Variants in FBXW11 observed in about 807,000 individuals in gnomAD.
The protein encoded by FBXW11 is F-box/WD repeat-containing protein 11.
In FBXW11, 19 loss-of-function variants were observed where a neutral mutation model predicts 77.6. The ratio of observed to expected loss-of-function variants is 0.24; its 90% CI spans 0.17 to 0.36. The LOEUF (loss-of-function observed/expected upper bound fraction) is 0.36, where lower values mean the gene tolerates loss of function less well. Ranked by LOEUF, FBXW11 falls within the 10% of genes least tolerant of loss-of-function variation. FBXW11 has a pLI of 1.00. For synonymous variants in FBXW11, 235 were observed against 249.4 expected, an observed-to-expected ratio of 0.94 and a Z score of 0.54; for missense variants, 334 against 704.2, an observed-to-expected ratio of 0.47 and a Z score of 5.95.
intron 1 of FBXW11, among the ~76,000 whole-genome samples, chr5:171,967,729 CTCAGGAGGTTGAG>C (rs1287917468): frequency 6.6e-6 from 1 of 151,626 alleles, no homozygotes; most frequent in Non-Finnish European, 1.5e-5. Context: ...GTCCCAGCTA[CTCAGGAGGTTGAG>C]GCAGGAGAAT....
intron 2 of FBXW11, among the ~76,000 whole-genome samples, chr5:171,946,691 A>G (rs531507256): frequency 2.0e-4 from 30 of 151,730 alleles, no homozygotes; most frequent in Non-Finnish European, 3.4e-4. Context: ...CTTTGCTCAA[A>G]TGGCTTTCCC....
At chr5:171,966,773 A>C (rs746323510) in intron 1 of FBXW11, among the ~76,000 whole-genome samples, 1 of 152,212 alleles carries the variant, frequency 6.6e-6, no homozygotes, top group Non-Finnish European at 1.5e-5. Context: ...TCTCAACCCT[A>C]AGTTTAATCT....
At chr5:171,936,019 G>A (rs773405364) in intron 2 of FBXW11, among the ~76,000 whole-genome samples, 21 of 150,336 alleles carry the variant, frequency 1.4e-4, no homozygotes, top group Non-Finnish European at 2.8e-4. Flanking sequence ...GCTGAGATAG[G>A]AGAACTGCTT....
chr5:172,005,113 TTTA>T (rs923846595), intron 1 of FBXW11, among the ~76,000 whole-genome samples: 4 of 152,146 alleles, frequency 2.6e-5, no homozygotes, highest in Non-Finnish European at 4.4e-5. Context: ...AGTGTCACCA[TTTA>T]TTATTTATAG....
chr5:171,970,185 C>T (rs1000409428), intron 1 of FBXW11, among the ~76,000 whole-genome samples: 25 of 152,196 alleles, frequency 1.6e-4, no homozygotes, highest in African/African-American at 6.0e-4. Flanking sequence ...CCACCCAAAT[C>T]TCATCTCCCA....
At chr5:171,899,505 CAG>C (rs935619632) in intron 5 of FBXW11, among the ~76,000 whole-genome samples, 3 of 152,180 alleles carry the variant, frequency 2.0e-5, no homozygotes, top group Non-Finnish European at 2.9e-5. Context: ...AAAGCTGCAT[CAG>C]AGTTATGAGT....
chr5:171,889,637 G>C (rs1759175211), intron 7 of FBXW11, among the ~76,000 whole-genome samples: 1 of 151,270 alleles, frequency 6.6e-6, no homozygotes, highest in South Asian at 2.1e-4. Flanking sequence ...CTGTAATCGG[G>C]GCACTTTGGG....
chr5:171,915,099 T>C (rs1761141403), intron 2 of FBXW11, among the ~76,000 whole-genome samples: 1 of 152,204 alleles, frequency 6.6e-6, no homozygotes, highest in South Asian at 2.1e-4. Context: ...TATACATGAT[T>C]GGATTTTCCC....
chr5:171,864,374 T>A (rs56970206), intron 13 of FBXW11, among the ~76,000 whole-genome samples: 3,257 of 152,036 alleles, frequency 0.021, 117 homozygotes, highest in African/African-American at 0.074. Flanking sequence ...GTTCAAAGAG[T>A]CAACAAGTGA....
At chr5:171,909,724 T>C (rs1760764568) in intron 4 of FBXW11, among the ~76,000 whole-genome samples, 1 of 152,164 alleles carries the variant, frequency 6.6e-6, no homozygotes, top group Non-Finnish European at 1.5e-5. Flanking sequence ...CGCGCGTGCA[T>C]GTACACACCT....
At chr5:171,880,533 A>G (rs948118345) in intron 7 of FBXW11, among the ~76,000 whole-genome samples, 11 of 152,236 alleles carry the variant, frequency 7.2e-5, no homozygotes, top group African/African-American at 2.7e-4. Flanking sequence ...AATGACTGAC[A>G]TCCTCACAAT....
rs1764852514 is a variant in FBXW11, at chr5:171,976,853, C to A, written c.46-19155G>T. 1.3e-5 allele frequency among the ~76,000 whole-genome samples: 2 copies of A among 151,956 alleles called. 1 individual carries two copies. Among genetic ancestry groups the A allele is most frequent in the South Asian group, 4.1e-4 (2 of 4,824 alleles). On this transcript the variant is annotated intron_variant, in intron 1 of 13. Coordinates refer to ENST00000517395, the MANE Select transcript of FBXW11 (RefSeq NM_001378974.1). ...CCTGAGGTCAGGAATTTGAGACTAG[C>A]CTGACCAACACAGTGAAATCCCATC... is the stretch of plus-strand genomic sequence containing the variant.
At chr5:171,947,718 C>A (rs1561711637) in intron 2 of FBXW11, among the ~76,000 whole-genome samples, 6 of 152,104 alleles carry the variant, frequency 3.9e-5, no homozygotes, top group Admixed American at 2.6e-4. Flanking sequence ...TAAAAATGTA[C>A]CAGCCTGGGG....
At position 172,006,447 on chromosome 5, in the gene FBXW11, G is replaced by A. The variant is rs369496985; in HGVS notation, c.45+11C>T. 37 of 1,552,284 alleles carry A rather than the reference G, an allele frequency of 2.4e-5. No individual in the cohort carries two copies. Among genetic ancestry groups the A allele is most frequent in the Non-Finnish European group, 2.9e-5 (33 of 1,150,696 alleles). On this transcript the variant is annotated intron_variant, in intron 1 of 13. Coordinates refer to ENST00000517395, the MANE Select transcript of FBXW11 (RefSeq NM_001378974.1). ...GACGGAAGCACAGACGGTCCAGCGG[G>A]CCGCACTCACCATGAGCTCGATGGT...
intron 2 of FBXW11, among the ~76,000 whole-genome samples, chr5:171,944,536 C>G (rs1338623954): frequency 7.8e-6 from 1 of 128,604 alleles, no homozygotes; most frequent in African/African-American, 2.8e-5. Context: ...GAGATCGCGC[C>G]ACTGCACTCC....
At chr5:171,907,326 G>A (rs1760591370) in intron 4 of FBXW11, among the ~76,000 whole-genome samples, 1 of 152,094 alleles carries the variant, frequency 6.6e-6, no homozygotes, top group African/African-American at 2.4e-5. Flanking sequence ...TAAGTTGACT[G>A]TCAATTTCAA....
At chr5:171,937,223 A>C (rs544113104) in intron 2 of FBXW11, among the ~76,000 whole-genome samples, 12 of 152,346 alleles carry the variant, frequency 7.9e-5, no homozygotes, top group African/African-American at 2.4e-4. Flanking sequence ...TCATATTCAA[A>C]AGCAAACTTA....
intron 2 of FBXW11, among the ~76,000 whole-genome samples, chr5:171,953,563 C>T (rs1026478928): frequency 7.2e-5 from 11 of 152,270 alleles, no homozygotes; most frequent in African/African-American, 2.6e-4. Flanking sequence ...GAATCTAAGA[C>T]TGAAATTCCT....
chr5:171,951,701 C>G (rs1174715107), intron 2 of FBXW11, among the ~76,000 whole-genome samples: 1 of 151,936 alleles, frequency 6.6e-6, no homozygotes, highest in African/African-American at 2.4e-5. Context: ...ATGTTGGTGA[C>G]CTCAGGTGAT....
Sources: gnomAD v4.1 joint callset for allele counts (sites outside exome capture counted in the v4.1 genomes callset) on GRCh38, gnomAD v4.1.1 for gene constraint, MANE v1.5 for transcripts, NCBI Gene and HGNC (gene_info 2026-07-23, HGNC 2026-07-21) for gene names.